The following LRRFIP2 variants were observed in gnomAD, a reference collection of about 807,000 sequenced individuals.
LRRFIP2 encodes the protein LRR binding FLII interacting protein 2, also known as leucine-rich repeat flightless-interacting protein 2.
A neutral mutation model predicts 125.9 loss-of-function variants in LRRFIP2; 109 were observed. The ratio of observed to expected loss-of-function variants is 0.87; its 90% confidence interval spans 0.74 to 1.01. The LOEUF (loss-of-function observed/expected upper bound fraction) is 1.01, where lower values mean the gene tolerates loss of function less well. Among genes scored for constraint, LRRFIP2 ranks in the 50% least tolerant of loss-of-function variants. LRRFIP2 has a pLI of 0.00. For missense variants in LRRFIP2, 850 were observed against 862.3 expected (o/e 0.99, Z 0.18); for synonymous variants, 291 against 293.1 (o/e 0.99, Z 0.07).
At chr3:37,088,838 T>TA (rs1016189550) in intron 18 of LRRFIP2, among the ~76,000 whole-genome samples, 53 of 151,860 alleles carry the variant, frequency 3.5e-4, no homozygotes, top group African/African-American at 1.2e-3. Flanking sequence ...ATTTTAATTT[T>TA]AAAAAAAGTA....
At chr3:37,173,640 G>C (rs540321495) in intron 1 of LRRFIP2, among the ~76,000 whole-genome samples, 2 of 152,280 alleles carry the variant, frequency 1.3e-5, no homozygotes, top group East Asian at 3.9e-4. Flanking sequence ...CTAAGATAAA[G>C]ACAGAAGAAT....
rs2086063333 is a variant in LRRFIP2 at position 37,053,972 on chromosome 3, G to A, written c.2056-11C>T. The A allele has an allele frequency of 4.1e-6, 6 of 1,464,070 alleles. No homozygotes were observed. The Admixed American group carries it at 1.0e-4, about 24-fold the overall frequency. 90.7% of individuals were successfully genotyped at this position (1,464,070 alleles called of 1,614,324 possible). On this transcript the variant is annotated splice_polypyrimidine_tract_variant and intron_variant, in intron 27 of 27. Transcript: ENST00000336686. ...CAGTGCTGTTCGTAACTGGAGACAGGGAGAATGCAGTCACTACATGTGGTC... is the reference window on the plus strand; with the variant it reads ...CAGTGCTGTTCGTAACTGGAGACAGAGAGAATGCAGTCACTACATGTGGTC...
chr3:37,074,956 A>G, intron 20 of LRRFIP2, 68 bp downstream of exon 20: 3 of 1,029,772 alleles, frequency 2.9e-6, no homozygotes, highest in Non-Finnish European at 4.6e-6. Flanking sequence ...CTTCCCTCCC[A>G]ACACATCCTC....
At chr3:37,063,900 T>G in intron 23 of LRRFIP2, 109 bp from the exon 24 acceptor site, 2 of 765,982 alleles carry the variant, frequency 2.6e-6, no homozygotes, top group Admixed American at 4.0e-5. Flanking sequence ...TAAATTACAT[T>G]ACTTACAGCT....
intron 1 of LRRFIP2, chr3:37,174,222 T>A (rs1237809013): frequency 6.6e-6 from 1 of 152,092 alleles, no homozygotes; most frequent in Non-Finnish European, 1.5e-5. Context: ...AAGGTAAAAA[T>A]CAGCTGAACT....
chr3:37,084,143 A>G (rs1042955533), intron 18 of LRRFIP2, among the ~76,000 whole-genome samples: 3 of 152,216 alleles, frequency 2.0e-5, no homozygotes, highest in African/African-American at 7.2e-5. Context: ...TTTTACTCTT[A>G]TAATTTTAAT....
At chr3:37,129,313 T>C (rs904432964) in intron 2 of LRRFIP2, among the ~76,000 whole-genome samples, 164 bp from the exon 3 acceptor site, 2 of 152,262 alleles carry the variant, frequency 1.3e-5, no homozygotes, top group African/African-American at 4.8e-5. Context: ...TCAACTCTTA[T>C]AAACTCATTT....
chr3:37,055,112 G>A lies in LRRFIP2; in HGVS notation c.1924C>T (p.Gln642Ter), dbSNP rs1269174597. 1.3e-6 allele frequency: 2 copies of A among 1,596,156 alleles called. No individual in the cohort carries two copies. The highest frequency in any genetic ancestry group is 1.4e-5 in the African/African-American group (1 of 73,566). The change falls in exon 26 of 28, where the codon CAG (glutamine) becomes TAG (stop). Residue 642 changes from glutamine (Q) to a stop codon, truncating the protein, a stop_gained. Coordinates refer to ENST00000336686, the MANE Select transcript of LRRFIP2 (RefSeq NM_006309.4). LOFTEE classifies it high-confidence loss of function. ...EYKFKLSKAEQDITTLEQSIS... is the reference protein window; with the variant it reads ...EYKFKLSKAE Reference sequence around the variant, plus strand: ...CTTTGCTCCAAGGTAGTTATATCCTGTTCTGCTTTTGAAAGCTTAAATTTG... The same window carrying A: ...CTTTGCTCCAAGGTAGTTATATCCTATTCTGCTTTTGAAAGCTTAAATTTG...
At chr3:37,073,484 T>C (rs181838578) in intron 20 of LRRFIP2, among the ~76,000 whole-genome samples, 9 of 152,278 alleles carry the variant, frequency 5.9e-5, no homozygotes, top group Admixed American at 1.3e-4. Context: ...TTTCTTCTTA[T>C]GCATTATTGG....
chr3:37,113,741 A>G (rs1004617664), intron 7 of LRRFIP2, among the ~76,000 whole-genome samples: 1 of 152,246 alleles, frequency 6.6e-6, no homozygotes, highest in South Asian at 2.1e-4. Flanking sequence ...CAGTACTCTT[A>G]ACCCAAATTA....
intron 21 of LRRFIP2, among the ~76,000 whole-genome samples, chr3:37,071,534 G>A (rs1001773460): frequency 1.3e-5 from 2 of 152,056 alleles, no homozygotes; most frequent in African/African-American, 4.8e-5. Context: ...ATCTTCCCAT[G>A]TGTATATTAA....
At chr3:37,118,420 T>C (rs1358755074) in intron 6 of LRRFIP2, among the ~76,000 whole-genome samples, 1 of 152,184 alleles carries the variant, frequency 6.6e-6, no homozygotes, top group South Asian at 2.1e-4. Context: ...TGTATTTCAA[T>C]GTATAAAGCA....
Position 37,127,629 on chromosome 3 carries a change from C to A in LRRFIP2, c.228+1G>T. ...ATGCAGGACAGGCAATACTGGCCTA[C>A]CAGCCACTTCTGAATCTGTCCCCAC... On this transcript the variant is annotated splice_donor_variant, in intron 4 of 27. Transcript: ENST00000336686. LOFTEE classifies it high-confidence loss of function. The A allele has an allele frequency of 1.2e-6, 2 of 1,613,664 alleles. No homozygotes were observed. The highest frequency in any genetic ancestry group is 1.7e-6 in the Non-Finnish European group (2 of 1,179,626).
chr3:37,175,150 T>C (rs2096640554), upstream of LRRFIP2: 1 of 152,258 alleles, frequency 6.6e-6, no homozygotes, highest in African/African-American at 2.4e-5. Context: ...ATTAAGAACT[T>C]ATACATCCAT....
chr3:37,120,103 T>G (rs1473189130), intron 6 of LRRFIP2, among the ~76,000 whole-genome samples: 4 of 151,216 alleles, frequency 2.6e-5, no homozygotes, highest in Non-Finnish European at 5.9e-5. Context: ...TCTGTTAATA[T>G]TCTTTTTTTT....
intron 2 of LRRFIP2, among the ~76,000 whole-genome samples, chr3:37,137,576 G>A (rs2095589061): frequency 1.3e-5 from 2 of 152,020 alleles, no homozygotes; most frequent in South Asian, 4.1e-4. Context: ...GAACTAGATA[G>A]GTAAATAATC....
At chr3:37,059,452 A>G (rs2087872366) in intron 24 of LRRFIP2, among the ~76,000 whole-genome samples, 1 of 152,218 alleles carries the variant, frequency 6.6e-6, no homozygotes, top group South Asian at 2.1e-4. Context: ...GTTTACTTTT[A>G]GACATAGGTT....
rs77470665 is a variant in LRRFIP2 at position 37,104,851 on chromosome 3, T to G, written c.783+604A>C. ...TCTTAAGTTCACAAGTCTTTTTTTTTTTTTCTTTTGAGAGGCACAGTCTCA... is the reference window on the plus strand; with the variant it reads ...TCTTAAGTTCACAAGTCTTTTTTTTGTTTTCTTTTGAGAGGCACAGTCTCA... On this transcript the variant is annotated intron_variant, in intron 14 of 27. Transcript: ENST00000336686. Among the ~76,000 whole-genome samples the G allele has an allele frequency of 9.1e-3, 1,386 of 152,236 alleles. 27 individuals carry two copies. Among genetic ancestry groups the G allele is most frequent in the African/African-American group, 0.032 (1,323 of 41,534 alleles).
intron 1 of LRRFIP2, among the ~76,000 whole-genome samples, chr3:37,150,598 G>A (rs1477995394): frequency 6.6e-6 from 1 of 152,156 alleles, no homozygotes; most frequent in Admixed American, 6.5e-5. Context: ...CCTTTGGTTA[G>A]ATGGTATTTG....
Sources: allele counts gnomAD v4.1 joint callset (sites outside exome capture counted in the v4.1 genomes callset), GRCh38; gene constraint gnomAD v4.1.1; transcripts MANE v1.5; gene names NCBI Gene and HGNC (gene_info 2026-07-23, HGNC 2026-07-21).